Variants in PCSK6 observed in about 807,000 individuals in gnomAD.
PCSK6 encodes the protein paired basic amino acid cleaving enzyme 4.
A neutral mutation model predicts 123.3 loss-of-function variants in PCSK6; 85 were observed. The observed-to-expected ratio is 0.69, with a 90% CI of 0.58 to 0.83. The LOEUF is 0.83. Ranked by LOEUF, PCSK6 falls within the 40% of genes least tolerant of loss-of-function variation. The pLI, the probability that PCSK6 is intolerant of heterozygous loss-of-function variation, is 0.00. For missense variants in PCSK6, 1,191 were observed against 1,282.3 expected, an observed-to-expected ratio of 0.93 and a Z score of 1.09; for synonymous variants, 508 against 516.0, an observed-to-expected ratio of 0.98 and a Z score of 0.21.
intron 2 of PCSK6, among the ~76,000 whole-genome samples, chr15:101,436,579 G>A (rs955995442): frequency 6.6e-6 from 1 of 152,202 alleles, no homozygotes; most frequent in Admixed American, 6.5e-5. Context: ...CGGCACCCAG[G>A]AGCCACCAAG....
intron 7 of PCSK6, among the ~76,000 whole-genome samples, chr15:101,394,846 C>A: frequency 6.6e-6 from 1 of 152,210 alleles, no homozygotes; most frequent in East Asian, 1.9e-4. Flanking sequence ...TTGGAGCTCA[C>A]GCAGCCCCGC....
rs1243819808 is a variant in PCSK6, at chr15:101,489,465, A to C, written c.206T>G (p.Val69Gly). 1.8e-6 allele frequency: 2 copies of C among 1,123,240 alleles called. No homozygotes were observed. Among genetic ancestry groups the C allele is most frequent in the African/African-American group, 3.4e-5 (2 of 58,828 alleles). The allele number at this position is 1,123,240 out of a possible 1,614,324, so 69.6% of individuals were successfully genotyped here. A position where few individuals can be genotyped will look rare whatever the true frequency, so the allele number is the denominator to read the frequency against. The change falls in exon 1 of 22, where the codon GTC becomes GGC. Residue 69 changes from valine (V) to glycine (G), a missense_variant. By Grantham distance (109) the Val-to-Gly change is moderately radical (BLOSUM62 -3). Coordinates refer to ENST00000611716, the MANE Select transcript of PCSK6 (RefSeq NM_002570.5). ...TTGCACCGCCCAGTGGTTGGTGTAG[A>C]CGGGGCGCGGCGGGGGCGCGGAGCA... is the stretch of plus-strand genomic sequence containing the variant. ...AACSAPPPRP[V>G]YTNHWAVQVL...
At chr15:101,364,015 A>G (rs559704906) in intron 13 of PCSK6, among the ~76,000 whole-genome samples, 32 of 152,186 alleles carry the variant, frequency 2.1e-4, no homozygotes, top group Non-Finnish European at 2.9e-4. Context: ...ATCCCTGTAG[A>G]TGACTTGATG....
chr15:101,382,277 T>C (rs2041930752), intron 10 of PCSK6, 68 bp from the exon 11 acceptor site: 2 of 1,262,256 alleles, frequency 1.6e-6, no homozygotes, highest in Admixed American at 4.0e-5. Context: ...GGCTGGCTCT[T>C]GCATCTGCCG....
chr15:101,404,819 G>C (rs917763844), intron 6 of PCSK6, among the ~76,000 whole-genome samples: 2 of 152,128 alleles, frequency 1.3e-5, no homozygotes, highest in African/African-American at 4.8e-5. Flanking sequence ...GGCCACCCGG[G>C]GGTCAAGACC....
rs370059863 is a variant in PCSK6 at position 101,323,848 on chromosome 15, C to A, written c.2377+1002G>T. On this transcript the variant is annotated intron_variant, in intron 17 of 21. Coordinates refer to ENST00000611716, the MANE Select transcript of PCSK6 (RefSeq NM_002570.5). ...GCCATGACAGGCCGGATCAATGACC[C>A]ATCCTGAGCAGTAAGGGCCCAGAGA... Among the ~76,000 whole-genome samples the A allele has an allele frequency of 1.4e-3, 217 of 152,286 alleles. 1 individual carries two copies. Among genetic ancestry groups the A allele is most frequent in the South Asian group, 8.5e-3 (41 of 4,828 alleles).
At chr15:101,465,395 A>C (rs972340012) in intron 1 of PCSK6, among the ~76,000 whole-genome samples, 2 of 152,228 alleles carry the variant, frequency 1.3e-5, no homozygotes, top group Non-Finnish European at 2.9e-5. Flanking sequence ...CTGCTCATGG[A>C]AACAGGACCA....
intron 15 of PCSK6, among the ~76,000 whole-genome samples, chr15:101,331,074 A>T (rs532527949): frequency 6.6e-6 from 1 of 152,326 alleles, no homozygotes; most frequent in South Asian, 2.1e-4. Flanking sequence ...TTGCTACAGG[A>T]GGGCTCAGAG....
chr15:101,429,357 G>A (rs2056369158), intron 5 of PCSK6, among the ~76,000 whole-genome samples: 2 of 152,134 alleles, frequency 1.3e-5, no homozygotes, highest in East Asian at 1.9e-4. Flanking sequence ...ACACAAAAAC[G>A]CCCACCATTT....
intron 6 of PCSK6, among the ~76,000 whole-genome samples, chr15:101,422,682 C>T (rs1412317852): frequency 1.3e-4 from 20 of 151,316 alleles, no homozygotes; most frequent in African/African-American, 4.1e-4. Context: ...GTGCAGTTGG[C>T]GCGATCTCAG....
chr15:101,404,568 C>T (rs775612146), intron 6 of PCSK6, among the ~76,000 whole-genome samples: 6 of 152,158 alleles, frequency 3.9e-5, no homozygotes, highest in South Asian at 2.1e-4. Context: ...GAGCAGCTCA[C>T]GGTAGGGGAA....
rs1322482754 is a variant in PCSK6 at position 101,427,976 on chromosome 15, C to T, written c.739G>A (p.Gly247Ser). ...RYDASNENKH[G>S]TRCAGEVAAS... ...GCAACTTCTCCCGCACAACGAGTGC[C>T]GTGTCTGAAACAAAGGAAAAAACCA... is the stretch of plus-strand genomic sequence containing the variant. The change falls in exon 6 of 22, where the codon GGC becomes AGC. Residue 247 changes from glycine to serine, a missense_variant. Around this residue, in one of 3 missense-constraint regions of PCSK6, gnomAD observed 357 missense variants for 484.5 expected, o/e 0.74. Coordinates refer to ENST00000611716, the MANE Select transcript of PCSK6 (RefSeq NM_002570.5). The T allele has an allele frequency of 5.1e-6, 8 of 1,571,642 alleles. No homozygotes were observed. The highest frequency in any genetic ancestry group is 2.3e-5 in the East Asian group (1 of 42,880).
chr15:101,363,204 C>G (rs947530205), intron 13 of PCSK6, among the ~76,000 whole-genome samples: 1 of 152,232 alleles, frequency 6.6e-6, no homozygotes, highest in Admixed American at 6.5e-5. Flanking sequence ...TGCAGAGGCA[C>G]AGTTCCATGG....
At chr15:101,393,927 C>A (rs2042315008) in intron 7 of PCSK6, among the ~76,000 whole-genome samples, 1 of 152,104 alleles carries the variant, frequency 6.6e-6, no homozygotes, top group African/African-American at 2.4e-5. Flanking sequence ...GCAGAGAGAG[C>A]TAAATTTGCA....
chr15:101,328,423 G>C (rs980863461), intron 15 of PCSK6, among the ~76,000 whole-genome samples: 11 of 152,210 alleles, frequency 7.2e-5, no homozygotes, highest in African/African-American at 2.4e-4. Flanking sequence ...CCTGGCATTA[G>C]GCACAGAGCA....
chr15:101,481,346 G>A (rs893830595), intron 1 of PCSK6, among the ~76,000 whole-genome samples: 4 of 151,452 alleles, frequency 2.6e-5, no homozygotes, highest in Non-Finnish European at 4.4e-5. Context: ...GCTGAGGGGC[G>A]AACCTGGTGA....
At chr15:101,357,645 C>T (rs998134978) in intron 13 of PCSK6, among the ~76,000 whole-genome samples, 7 of 152,242 alleles carry the variant, frequency 4.6e-5, no homozygotes, top group African/African-American at 9.6e-5. Context: ...GGCCAGCGGC[C>T]GTCCTGCCCA....
At chr15:101,355,129 C>G (rs750728387) in intron 13 of PCSK6, among the ~76,000 whole-genome samples, 1 of 152,186 alleles carries the variant, frequency 6.6e-6, no homozygotes, top group Non-Finnish European at 1.5e-5. Flanking sequence ...TGGGTTGCTG[C>G]TCTTTTGGAA....
At position 101,398,289 on chromosome 15, in the gene PCSK6, CAG is replaced by C; in HGVS notation, c.996+113_996+114del. On this transcript the variant is annotated intron_variant, in intron 7 of 21. Transcript: ENST00000611716. This position sits in a 1 kb window ranked among gnomAD's most constrained non-coding sequence, Gnocchi z 4.6. ...ACACTGGCCCTGGCACCTGTCACAG[CAG>C]AGTCTTCCCTGTCTTGTTTCAGGGC... The C allele has an allele frequency of 7.7e-7, 1 of 1,297,448 alleles. No homozygotes were observed. The highest frequency in any genetic ancestry group is 2.4e-5 in the East Asian group (1 of 42,094). The allele number at this position is 1,297,448 out of a possible 1,614,324, so 80.4% of individuals were successfully genotyped here. A position where few individuals can be genotyped will look rare whatever the true frequency, so the allele number is the denominator to read the frequency against.
Sources: allele counts gnomAD v4.1 joint callset (sites outside exome capture counted in the v4.1 genomes callset), GRCh38; gene constraint gnomAD v4.1.1; regional missense constraint gnomAD v4.1.1; non-coding constraint Gnocchi (gnomAD v3.1); transcripts MANE v1.5; gene names NCBI Gene and HGNC (gene_info 2026-07-23, HGNC 2026-07-21).